The following ACLY variants were observed in gnomAD, a reference collection of about 807,000 sequenced individuals.
ACLY encodes ATP-citrate synthase.
In ACLY, 41 loss-of-function variants were observed where a neutral mutation model predicts 133.0. The observed-to-expected ratio is 0.31, with a 90% CI of 0.24 to 0.40. The LOEUF is 0.40. ACLY is among the 10% of genes least tolerant of loss of function. The pLI, the probability that ACLY is intolerant of heterozygous loss-of-function variation, is 1.00. For synonymous variants in ACLY, 495 were observed against 549.3 expected (o/e 0.90, Z 1.38); for missense variants, 1,046 against 1,453.8 (o/e 0.72, Z 4.56).
chr17:41,909,865 C>T (rs1390911495), intron 4 of ACLY, among the ~76,000 whole-genome samples, 165 bp from the exon 5 acceptor site: 1 of 152,190 alleles, frequency 6.6e-6, no homozygotes, highest in African/African-American at 2.4e-5. Context: ...GAGACTTGTC[C>T]ACCATCTTTT....
In ACLY at chr17:41,909,046, C is replaced by T. The variant is rs1555633148; in HGVS notation, c.559G>A (p.Gly187Ser). The change falls in exon 6 of 29, where the codon GGC (glycine) becomes AGC (serine). Residue 187 changes from glycine (G) to serine (S), a missense_variant. This residue lies in a region of ACLY where 227 missense variants were observed against 245.6 expected (regional missense o/e 0.92). Transcript: ENST00000352035. Reference protein sequence around the residue: ...KKEILASFISGLFNFYEDLYF... With the variant: ...KKEILASFISSLFNFYEDLYF... The stretch of plus-strand genomic sequence containing the variant: ...AAGTCCTCGTAGAAATTGAAGAGGC[C>T]GGAGATAAAACTGGCCAGAATTCTA... The T allele has an allele frequency of 4.3e-6, 7 of 1,612,730 alleles. No individual in the cohort carries two copies. The highest frequency in any genetic ancestry group is 1.8e-4 in the Middle Eastern group (1 of 5,476).
chr17:41,875,829 A>C (rs1281676704), intron 22 of ACLY, among the ~76,000 whole-genome samples: 2 of 151,960 alleles, frequency 1.3e-5, no homozygotes, highest in African/African-American at 4.8e-5. Context: ...TGGCCTCCCA[A>C]AGTGCCGAGA....
rs1555628525 is a variant in ACLY, at chr17:41,887,709, G to A, written c.1771-6C>T. The A allele has an allele frequency of 1.9e-6, 3 of 1,613,052 alleles. No individual in the cohort carries two copies. Among genetic ancestry groups the A allele is most frequent in the Non-Finnish European group, 2.5e-6 (3 of 1,179,174 alleles). ...ATGATGGCGATGGTCCGGATCTAGA[G>A]GATGACAAAAGTCCCTTCCTGTTAA... On this transcript the variant is annotated splice_polypyrimidine_tract_variant and splice_region_variant and intron_variant, in intron 16 of 28. Transcript: ENST00000352035.
chr17:41,882,697 T>G (rs2144262183), intron 20 of ACLY, among the ~76,000 whole-genome samples: 1 of 152,260 alleles, frequency 6.6e-6, no homozygotes, highest in South Asian at 2.1e-4. Flanking sequence ...AAACCTTTCC[T>G]TCTACCACCT....
At chr17:41,895,353 A>G (rs2049336185) in intron 14 of ACLY, among the ~76,000 whole-genome samples, 1 of 152,172 alleles carries the variant, frequency 6.6e-6, no homozygotes, top group Non-Finnish European at 1.5e-5. Context: ...CCTGGAATCT[A>G]CCAACCTACC....
intron 11 of ACLY, among the ~76,000 whole-genome samples, chr17:41,900,442 G>T (rs1160268161): frequency 1.3e-5 from 2 of 151,802 alleles, no homozygotes; most frequent in Non-Finnish European, 2.9e-5. Flanking sequence ...TCACTTGGCT[G>T]GTTGTAGTGG....
chr17:41,912,325 T>A (rs1308626403), intron 3 of ACLY, 95 bp downstream of exon 3: 1 of 1,499,214 alleles, frequency 6.7e-7, no homozygotes, highest in African/African-American at 1.4e-5. Flanking sequence ...ACAATGAGAC[T>A]GGCTGTGGGG....
chr17:41,897,413 G>A (rs2049400809), intron 13 of ACLY, among the ~76,000 whole-genome samples: 1 of 152,034 alleles, frequency 6.6e-6, no homozygotes, highest in African/African-American at 2.4e-5. Context: ...CTCAGGAGAA[G>A]AGTCTCAGAG....
chr17:41,877,787 C>T (rs1555626426), intron 22 of ACLY, among the ~76,000 whole-genome samples: 1 of 152,158 alleles, frequency 6.6e-6, no homozygotes, highest in Admixed American at 6.5e-5. Flanking sequence ...TCCCAGCCTA[C>T]ATCTTTCTCC....
In ACLY at chr17:41,909,087, G is replaced by C. The variant is rs1555633169; in HGVS notation, c.537-19C>G. ...CAGAATTCTAGAGGTGGGAGGGAGA[G>C]AGGGACAGTTCATCCATCAGGGAGC... On this transcript the variant is annotated intron_variant, in intron 5 of 28. Coordinates refer to ENST00000352035, the MANE Select transcript of ACLY (RefSeq NM_001096.3). 7 of 1,595,112 alleles carry C rather than the reference G, an allele frequency of 4.4e-6. No homozygotes were observed. The highest frequency in any genetic ancestry group is 5.1e-6 in the Non-Finnish European group (6 of 1,166,170).
At chr17:41,924,749 C>T (rs1555635818) in intron 1 of ACLY, among the ~76,000 whole-genome samples, 1 of 152,160 alleles carries the variant, frequency 6.6e-6, no homozygotes, top group African/African-American at 2.4e-5. Context: ...GCTAGTTCCA[C>T]TCCTGGGCAG....
At chr17:41,880,247 T>C (rs566364998) in intron 20 of ACLY, among the ~76,000 whole-genome samples, 2 of 152,190 alleles carry the variant, frequency 1.3e-5, no homozygotes, top group South Asian at 2.1e-4. Flanking sequence ...ATGGGTAAAG[T>C]GATTTATCCC....
intron 6 of ACLY, among the ~76,000 whole-genome samples, chr17:41,908,130 G>C (rs1555633000): frequency 6.6e-6 from 1 of 152,160 alleles, no homozygotes; most frequent in East Asian, 1.9e-4. Flanking sequence ...GTTAGCACAA[G>C]GCCATCTGGT....
At position 41,904,714 on chromosome 17, in the gene ACLY, T is replaced by C. The variant is rs782294070; in HGVS notation, c.1065+15A>G. The C allele has an allele frequency of 6.2e-7, 1 of 1,612,482 alleles. No individual in the cohort carries two copies. Among genetic ancestry groups the C allele is most frequent in the East Asian group, 2.2e-5 (1 of 44,874 alleles). On this transcript the variant is annotated intron_variant, in intron 10 of 28. Coordinates refer to ENST00000352035, the MANE Select transcript of ACLY (RefSeq NM_001096.3). ...CCACTTTCCCCAGAAACTGCACCAC[T>C]GTTGCAACTGTTACCTTGAACGTGG...
chr17:41,884,168 A>C (rs782063560), intron 19 of ACLY, 25 bp downstream of exon 19: 23 of 1,424,910 alleles, frequency 1.6e-5, no homozygotes, highest in Non-Finnish European at 2.3e-5. Context: ...TTAAAATCAT[A>C]ATTTTTTTTT....
At position 41,892,974 on chromosome 17, in the gene ACLY, C is replaced by T. The variant is rs1555629621; in HGVS notation, c.1601+59G>A. On this transcript the variant is annotated intron_variant, in intron 15 of 28. Transcript: ENST00000352035. Reference sequence around the variant, plus strand: ...GATTACAGGCATGAGCCACTGTGCCCAGCCCCAAGCTTTGTCTTAGCAGAG... The same window carrying T: ...GATTACAGGCATGAGCCACTGTGCCTAGCCCCAAGCTTTGTCTTAGCAGAG... 9 of 1,577,488 alleles carry T rather than the reference C, an allele frequency of 5.7e-6. No homozygotes were observed. The Admixed American group carries it at 1.4e-4, about 24-fold the overall frequency.
chr17:41,920,162 A>G (rs964427090), upstream of ACLY, among the ~76,000 whole-genome samples: 3 of 152,046 alleles, frequency 2.0e-5, no homozygotes, highest in Non-Finnish European at 2.9e-5. Flanking sequence ...CCCTCCCCCA[A>G]TCCTGTTGCT....
intron 22 of ACLY, among the ~76,000 whole-genome samples, chr17:41,876,227 C>G (rs868984046): frequency 6.6e-6 from 1 of 151,808 alleles, no homozygotes. Flanking sequence ...GCAGCCACCC[C>G]GTCCGGGAGG....
At position 41,885,250 on chromosome 17, in the gene ACLY, T is replaced by C. The variant is rs532439452; in HGVS notation, c.2072+862A>G. On this transcript the variant is annotated intron_variant, in intron 18 of 28. Transcript: ENST00000352035. ...CTAAACAAGCAGCATTTCCTAGACT[T>C]ATTCCCTGAGCCTTTGGTCAGGCAG... Among the ~76,000 whole-genome samples the C allele has an allele frequency of 7.9e-5, 12 of 152,220 alleles. No homozygotes were observed. In the East Asian group the frequency reaches 2.3e-3, roughly 29 times the overall value.
Sources: gnomAD v4.1 joint callset for allele counts (sites outside exome capture counted in the v4.1 genomes callset) on GRCh38, gnomAD v4.1.1 for gene constraint, gnomAD v4.1.1 regional missense constraint, MANE v1.5 for transcripts, NCBI Gene and HGNC (gene_info 2026-07-23, HGNC 2026-07-21) for gene names.